The following SATB2 variants were observed in gnomAD, a reference collection of about 807,000 sequenced individuals.
SATB2 encodes DNA-binding protein SATB2.
Under a neutral mutation model 73.4 loss-of-function variants are expected in SATB2, and 1 was observed. The ratio of observed to expected loss-of-function variants is 0.01; its 90% CI spans 0.00 to 0.06. SATB2 has a LOEUF of 0.06. Ranked by LOEUF, SATB2 falls within the 10% of genes least tolerant of loss-of-function variation. SATB2 has a pLI of 1.00. For missense variants in SATB2, 459 were observed against 945.8 expected (o/e 0.49, Z 6.75); for synonymous variants, 397 against 367.0 (o/e 1.08, Z -0.93).
chr2:199,331,909 T>A (rs758576671), intron 7 of SATB2, among the ~76,000 whole-genome samples: 39 of 152,304 alleles, frequency 2.6e-4, no homozygotes, highest in Non-Finnish European at 4.6e-4. Flanking sequence ...CATAAATATT[T>A]CTAAAGCCCT....
chr2:199,372,303 T>C (rs1034878998), intron 5 of SATB2, among the ~76,000 whole-genome samples: 3 of 152,196 alleles, frequency 2.0e-5, no homozygotes, highest in Non-Finnish European at 2.9e-5. Flanking sequence ...TGTATTAGAA[T>C]TTTCTTTACT....
intron 3 of SATB2, among the ~76,000 whole-genome samples, chr2:199,391,267 A>G (rs889260851): frequency 4.6e-5 from 7 of 151,974 alleles, no homozygotes; most frequent in African/African-American, 1.7e-4. Context: ...CCTCATCTCT[A>G]CTAAAAATAC....
At chr2:199,285,725 A>T (rs1039293269) in intron 10 of SATB2, among the ~76,000 whole-genome samples, 1 of 148,914 alleles carries the variant, frequency 6.7e-6, no homozygotes, top group African/African-American at 2.5e-5. Context: ...GAGGGATTTA[A>T]AAAAAAAAAG....
chr2:199,365,249 T>G (rs1159106140), intron 6 of SATB2, among the ~76,000 whole-genome samples: 1 of 151,878 alleles, frequency 6.6e-6, no homozygotes, highest in Non-Finnish European at 1.5e-5. Context: ...GCTTATGAGC[T>G]CTACATTGTA....
chr2:199,344,794 C>T (rs535438177), intron 7 of SATB2, among the ~76,000 whole-genome samples: 1 of 152,274 alleles, frequency 6.6e-6, no homozygotes, highest in East Asian at 1.9e-4. Flanking sequence ...CTTTGGCCTC[C>T]CTTTCAACAC....
intron 3 of SATB2, among the ~76,000 whole-genome samples, chr2:199,420,843 C>T (rs765120282): frequency 1.3e-5 from 2 of 151,944 alleles, no homozygotes; most frequent in South Asian, 4.2e-4. Context: ...TTATTGTATA[C>T]TTATTTAATT....
chr2:199,300,831 G>A (rs1687266980), intron 10 of SATB2, among the ~76,000 whole-genome samples: 1 of 152,076 alleles, frequency 6.6e-6, no homozygotes, highest in Non-Finnish European at 1.5e-5. Context: ...GTTCCCAGAA[G>A]GCAGGAAAAG....
At chr2:199,394,968 A>G (rs1690254869) in intron 3 of SATB2, among the ~76,000 whole-genome samples, 1 of 152,160 alleles carries the variant, frequency 6.6e-6, no homozygotes, top group Non-Finnish European at 1.5e-5. Flanking sequence ...ATTTAATCTC[A>G]TTTCATGTTG....
intron 10 of SATB2, among the ~76,000 whole-genome samples, chr2:199,285,506 T>TA (rs1692657924): frequency 1.3e-5 from 2 of 152,054 alleles, no homozygotes; most frequent in African/African-American, 2.4e-5. Context: ...TAGGACTTAT[T>TA]AAAAAACCAT....
intron 10 of SATB2, among the ~76,000 whole-genome samples, chr2:199,304,921 C>T (rs568190362): frequency 6.6e-6 from 1 of 152,122 alleles, no homozygotes; most frequent in South Asian, 2.1e-4. Flanking sequence ...TGGTTCAGGC[C>T]CAGCGTGGTC....
At chr2:199,341,955 G>C (rs576135614) in intron 7 of SATB2, among the ~76,000 whole-genome samples, 6 of 152,170 alleles carry the variant, frequency 3.9e-5, no homozygotes, top group Non-Finnish European at 8.8e-5. Flanking sequence ...GTCCTGCAGA[G>C]CGCTCTGGAG....
intron 2 of SATB2, among the ~76,000 whole-genome samples, chr2:199,448,651 G>GT: frequency 6.6e-6 from 1 of 152,178 alleles, no homozygotes; most frequent in South Asian, 2.1e-4. Context: ...AAATATCTGT[G>GT]TAAGTCTTCA....
intron 6 of SATB2, among the ~76,000 whole-genome samples, chr2:199,367,201 A>C (rs1332070839): frequency 6.6e-6 from 1 of 152,184 alleles, no homozygotes; most frequent in Non-Finnish European, 1.5e-5. Context: ...TGAGCCACAC[A>C]TCGATGTCTT....
chr2:199,310,245 A>G (rs1199681151), intron 9 of SATB2, among the ~76,000 whole-genome samples: 1 of 152,214 alleles, frequency 6.6e-6, no homozygotes, highest in Non-Finnish European at 1.5e-5. Flanking sequence ...ACTAATCTGT[A>G]ACACAACACT....
intron 3 of SATB2, among the ~76,000 whole-genome samples, chr2:199,430,955 T>C (rs1001361880): frequency 1.3e-5 from 2 of 152,194 alleles, no homozygotes; most frequent in African/African-American, 4.8e-5. Flanking sequence ...CCCACTATCC[T>C]TGCAGTTTAG....
At chr2:199,391,184 G>A (rs1412755575) in intron 3 of SATB2, among the ~76,000 whole-genome samples, 6 of 151,966 alleles carry the variant, frequency 3.9e-5, no homozygotes, top group African/African-American at 1.5e-4. Context: ...GGTGGCTCAC[G>A]CCTGTAATCC....
At chr2:199,339,214 G>A (rs1688432255) in intron 7 of SATB2, among the ~76,000 whole-genome samples, 1 of 152,122 alleles carries the variant, frequency 6.6e-6, no homozygotes, top group East Asian at 1.9e-4. Flanking sequence ...CCTGAAAAAG[G>A]TGCCAATTAA....
chr2:199,356,835 C>G (rs961808554), intron 6 of SATB2, among the ~76,000 whole-genome samples: 2 of 152,078 alleles, frequency 1.3e-5, no homozygotes, highest in Non-Finnish European at 2.9e-5. Context: ...ATTGGCATTT[C>G]AGGTAACACC....
At chr2:199,458,852 C>CCCGCCGCGCTTCGTG (rs1692388259), upstream of SATB2, 3 of 302,256 alleles carry the variant, frequency 9.9e-6, no homozygotes, top group South Asian at 7.2e-5. Context: ...AACGTCCCGG[C>CCCGCCGCGCTTCGTG]CCGCCGCGCT....
Sources: gnomAD v4.1 joint callset for allele counts (sites outside exome capture counted in the v4.1 genomes callset) on GRCh38, gnomAD v4.1.1 for gene constraint, MANE v1.5 for transcripts, NCBI Gene and HGNC (gene_info 2026-07-23, HGNC 2026-07-21) for gene names.